MACROD2: variants seen among roughly 807,000 people sequenced by gnomAD.
MACROD2 encodes ADP-ribose glycohydrolase MACROD2.
MACROD2 carries 36 observed loss-of-function variants against 70.4 expected under a neutral mutation model. That is an observed-to-expected ratio of 0.51 (90% CI 0.39 to 0.68). The LOEUF (loss-of-function observed/expected upper bound fraction) is 0.68, where lower values mean the gene tolerates loss of function less well. MACROD2 is among the 30% of genes least tolerant of loss of function. The pLI is 0.00. For synonymous variants in MACROD2, 172 were observed against 178.8 expected (o/e 0.96, Z 0.30); for missense variants, 496 against 538.4 (o/e 0.92, Z 0.78).
At chr20:15,486,266 T>A (rs2047162203) in intron 7 of MACROD2, among the ~76,000 whole-genome samples, 1 of 152,176 alleles carries the variant, frequency 6.6e-6, no homozygotes, top group Non-Finnish European at 1.5e-5. Flanking sequence ...CTTCCAGTCA[T>A]CACTCTGTGG....
intron 3 of MACROD2, among the ~76,000 whole-genome samples, chr20:14,186,743 C>T (rs2081347886): frequency 6.6e-6 from 1 of 152,160 alleles, no homozygotes; most frequent in South Asian, 2.1e-4. Context: ...GTTACATATA[C>T]ACCTTGGAAT....
chr20:14,442,459 G>T (rs2084134382), intron 3 of MACROD2, among the ~76,000 whole-genome samples: 1 of 152,040 alleles, frequency 6.6e-6, no homozygotes, highest in Non-Finnish European at 1.5e-5. Flanking sequence ...TTTTTCATTA[G>T]CTGGAAGCTA....
Position 15,818,636 on chromosome 20 carries a change from A to G in MACROD2, c.646-44109A>G, listed in dbSNP as rs576245360. On this transcript the variant is annotated intron_variant, in intron 8 of 17. Transcript: ENST00000684519. ...GACCTCTTATCTCATCCTGTGATTT[A>G]GAATGCCTTAACCTCCTGGGGATGC... 2.6e-5 allele frequency among the ~76,000 whole-genome samples: 4 copies of G among 152,236 alleles called. No individual in the cohort carries two copies. The South Asian group carries it at 8.3e-4, about 32-fold the overall frequency.
intron 8 of MACROD2, among the ~76,000 whole-genome samples, chr20:15,669,673 G>T (rs1323011671): frequency 6.6e-6 from 1 of 152,196 alleles, no homozygotes; most frequent in African/African-American, 2.4e-5. Flanking sequence ...TATCATTAGG[G>T]AATTTGCCTG....
At chr20:14,316,081 C>G (rs910913345) in intron 3 of MACROD2, among the ~76,000 whole-genome samples, 11 of 152,194 alleles carry the variant, frequency 7.2e-5, no homozygotes, top group African/African-American at 2.4e-5. Flanking sequence ...CTTCAGTGAT[C>G]TGAAACTTCC....
chr20:15,519,087 C>T (rs1262522667), intron 8 of MACROD2, among the ~76,000 whole-genome samples: 1 of 145,886 alleles, frequency 6.9e-6, no homozygotes, highest in East Asian at 2.0e-4. Flanking sequence ...TCCTTCCTTC[C>T]TTCCTTCCTT....
chr20:15,244,544 G>C (rs1450789668), intron 6 of MACROD2, among the ~76,000 whole-genome samples: 1 of 152,052 alleles, frequency 6.6e-6, no homozygotes, highest in Non-Finnish European at 1.5e-5. Flanking sequence ...CTGCACCCCA[G>C]ATTGCTGTTT....
chr20:15,453,431 A>T (rs1042923729), intron 7 of MACROD2, among the ~76,000 whole-genome samples: 2 of 152,142 alleles, frequency 1.3e-5, no homozygotes, highest in Non-Finnish European at 2.9e-5. Context: ...ATTTGTTTTT[A>T]AAATTATGTT....
chr20:14,099,277 CA>C lies in MACROD2; in HGVS notation c.271+13561del, dbSNP rs970016649. ...TGGGTGACAGAGTGACACTCCATTT[CA>C]AAAAAAAAAAAGGCAGCAGAATGTT... On this transcript the variant is annotated intron_variant, in intron 3 of 17. Coordinates refer to ENST00000684519, the MANE Select transcript of MACROD2 (RefSeq NM_001351661.2). 2.0e-3 allele frequency among the ~76,000 whole-genome samples: 271 copies of C among 137,750 alleles called. 1 individual carries two copies. The highest frequency in any genetic ancestry group is 0.013 in the East Asian group (62 of 4,764). 90.4% of individuals were successfully genotyped at this position (137,750 alleles called of 152,430 possible).
At chr20:15,214,938 G>T (rs1463098738) in intron 5 of MACROD2, among the ~76,000 whole-genome samples, 1 of 152,126 alleles carries the variant, frequency 6.6e-6, no homozygotes, top group Admixed American at 6.5e-5. Context: ...AGCTAAGTTT[G>T]TAACAAGGCA....
chr20:15,837,899 G>T (rs1421791799), intron 8 of MACROD2, among the ~76,000 whole-genome samples: 1 of 152,044 alleles, frequency 6.6e-6, no homozygotes, highest in Non-Finnish European at 1.5e-5. Flanking sequence ...ATCATCAACT[G>T]CTTAGCCCAT....
At chr20:15,259,200 C>G (rs118138366) in intron 6 of MACROD2, among the ~76,000 whole-genome samples, 1 of 151,822 alleles carries the variant, frequency 6.6e-6, no homozygotes. Context: ...ACAACAACAA[C>G]AAAATTTAGG....
At chr20:15,426,361 T>G (rs2046298054) in intron 6 of MACROD2, among the ~76,000 whole-genome samples, 1 of 152,294 alleles carries the variant, frequency 6.6e-6, no homozygotes, top group Admixed American at 6.5e-5. Flanking sequence ...TTTTATTTTT[T>G]AAGACACGGT....
chr20:14,088,734 CTT>C (rs2054113198), intron 3 of MACROD2, among the ~76,000 whole-genome samples: 2 of 152,150 alleles, frequency 1.3e-5, no homozygotes, highest in African/African-American at 4.8e-5. Context: ...GCCATTTTCT[CTT>C]TTTGTGTCAA....
At chr20:15,804,754 G>A (rs78860625) in intron 8 of MACROD2, among the ~76,000 whole-genome samples, 1 of 152,082 alleles carries the variant, frequency 6.6e-6, no homozygotes, top group Non-Finnish European at 1.5e-5. Context: ...CCAGTCTGCT[G>A]GCTTCCAACT....
intron 5 of MACROD2, chr20:14,892,871 A>T (rs2122516093): frequency 6.6e-6 from 1 of 152,212 alleles, no homozygotes; most frequent in Middle Eastern, 3.4e-3. Context: ...TAGAGACGGG[A>T]TTAGAACATG....
intron 6 of MACROD2, among the ~76,000 whole-genome samples, chr20:15,289,323 A>G (rs2077520976): frequency 6.6e-6 from 1 of 152,216 alleles, no homozygotes; most frequent in Non-Finnish European, 1.5e-5. Flanking sequence ...AGAAAGGGAG[A>G]ACGAGCTTCT....
chr20:14,915,181 C>G (rs1395406261), intron 5 of MACROD2, among the ~76,000 whole-genome samples: 5 of 152,270 alleles, frequency 3.3e-5, no homozygotes, highest in East Asian at 1.9e-4. Flanking sequence ...AAATTTAGCT[C>G]TAGAAAGGTG....
intron 8 of MACROD2, among the ~76,000 whole-genome samples, chr20:15,676,648 G>A (rs751223397): frequency 2.0e-5 from 3 of 152,112 alleles, no homozygotes; most frequent in Non-Finnish European, 4.4e-5. Context: ...TTAACTTTTT[G>A]CACTGTATTA....
Sources: allele counts gnomAD v4.1 joint callset (sites outside exome capture counted in the v4.1 genomes callset), GRCh38; gene constraint gnomAD v4.1.1; transcripts MANE v1.5; gene names NCBI Gene and HGNC (gene_info 2026-07-23, HGNC 2026-07-21).